The following KLHL1 variants were observed in gnomAD, a reference collection of about 807,000 sequenced individuals.
The protein encoded by KLHL1 is kelch like family member 1, also known as kelch-like protein 1.
A neutral mutation model predicts 77.7 loss-of-function variants in KLHL1; 47 were observed. The observed-to-expected ratio is 0.60, with a 90% CI of 0.48 to 0.77. The LOEUF is 0.77. Among genes scored for constraint, KLHL1 ranks in the 30% least tolerant of loss-of-function variants. The pLI, the probability that KLHL1 is intolerant of heterozygous loss-of-function variation, is 0.00. For missense variants in KLHL1, 925 were observed against 910.8 expected, an observed-to-expected ratio of 1.02 and a Z score of -0.20; for synonymous variants, 360 against 325.2, an observed-to-expected ratio of 1.11 and a Z score of -1.15.
intron 9 of KLHL1, among the ~76,000 whole-genome samples, chr13:69,711,863 C>G (rs1482469113): frequency 6.6e-6 from 1 of 152,106 alleles, no homozygotes; most frequent in Non-Finnish European, 1.5e-5. Context: ...TACATTCTCT[C>G]CAACATGCAG....
chr13:70,029,730 C>T (rs1886047899), intron 1 of KLHL1, among the ~76,000 whole-genome samples: 1 of 152,186 alleles, frequency 6.6e-6, no homozygotes, highest in Admixed American at 6.5e-5. Context: ...ATCATAATGA[C>T]AGGATCATAT....
intron 1 of KLHL1, among the ~76,000 whole-genome samples, chr13:70,068,379 A>T (rs951284963): frequency 6.6e-6 from 1 of 151,724 alleles, no homozygotes; most frequent in Non-Finnish European, 1.5e-5. Flanking sequence ...ACAAAAAAAA[A>T]GGATTTTTAA....
At chr13:69,843,322 T>C (rs1398266334) in intron 5 of KLHL1, among the ~76,000 whole-genome samples, 1 of 151,686 alleles carries the variant, frequency 6.6e-6, no homozygotes, top group Non-Finnish European at 1.5e-5. Context: ...ATGTTTCTTC[T>C]TGCAAAATTG....
chr13:70,011,034 A>G (rs1286651979), intron 1 of KLHL1, among the ~76,000 whole-genome samples: 1 of 152,074 alleles, frequency 6.6e-6, no homozygotes, highest in African/African-American at 2.4e-5. Flanking sequence ...AATAAATTCA[A>G]GTTTCATAAT....
chr13:69,850,380 G>A (rs568536270), intron 5 of KLHL1, among the ~76,000 whole-genome samples: 1 of 151,452 alleles, frequency 6.6e-6, no homozygotes, highest in Non-Finnish European at 1.5e-5. Context: ...TGAGATCCCT[G>A]GCTCATTGAT....
chr13:69,852,840 A>G (rs1196445218), intron 5 of KLHL1, among the ~76,000 whole-genome samples: 2 of 152,034 alleles, frequency 1.3e-5, no homozygotes, highest in Non-Finnish European at 2.9e-5. Context: ...TTGTTCAAAC[A>G]TCTTTACTGA....
intron 3 of KLHL1, among the ~76,000 whole-genome samples, chr13:69,943,973 T>C (rs1883441755): frequency 6.6e-6 from 1 of 152,164 alleles, no homozygotes; most frequent in Non-Finnish European, 1.5e-5. Context: ...GTAATCTAAT[T>C]AACTATTTCT....
intron 8 of KLHL1, among the ~76,000 whole-genome samples, chr13:69,737,654 C>T (rs1873817965): frequency 6.6e-6 from 1 of 152,194 alleles, no homozygotes; most frequent in African/African-American, 2.4e-5. Context: ...AAGCAGGACC[C>T]TGATCCACTC....
chr13:69,881,273 AT>A (rs1566359418), intron 5 of KLHL1, among the ~76,000 whole-genome samples: 1 of 152,098 alleles, frequency 6.6e-6, no homozygotes, highest in East Asian at 1.9e-4. Context: ...CATTCTTAAT[AT>A]ATGACCATAA....
intron 7 of KLHL1, among the ~76,000 whole-genome samples, chr13:69,762,688 G>A (rs1165288544): frequency 2.0e-5 from 3 of 148,790 alleles, no homozygotes. Context: ...GAAGCAGACA[G>A]CATCCTAGAT....
chr13:69,803,303 T>TAA (rs11418677), intron 6 of KLHL1, among the ~76,000 whole-genome samples: 1 of 151,848 alleles, frequency 6.6e-6, no homozygotes, highest in Non-Finnish European at 1.5e-5. Context: ...TTTTACATAA[T>TAA]AAAAACAAAT....
At chr13:69,724,809 C>T (rs1873223618) in intron 8 of KLHL1, among the ~76,000 whole-genome samples, 1 of 152,044 alleles carries the variant, frequency 6.6e-6, no homozygotes, top group Non-Finnish European at 1.5e-5. Context: ...GATAAAAACT[C>T]AACAAGCTTG....
At chr13:70,058,672 TA>T (rs1458325424) in intron 1 of KLHL1, among the ~76,000 whole-genome samples, 1 of 152,110 alleles carries the variant, frequency 6.6e-6, no homozygotes, top group Non-Finnish European at 1.5e-5. Context: ...ATGATTCCTA[TA>T]AAATACCAAT....
chr13:70,008,925 T>C (rs1207937615), intron 1 of KLHL1, among the ~76,000 whole-genome samples: 1 of 152,132 alleles, frequency 6.6e-6, no homozygotes, highest in East Asian at 1.9e-4. Context: ...CTTGTCACAA[T>C]ACAATGCACT....
chr13:69,754,013 T>G (rs1874601181), intron 7 of KLHL1, among the ~76,000 whole-genome samples: 1 of 151,882 alleles, frequency 6.6e-6, no homozygotes, highest in Admixed American at 6.6e-5. Flanking sequence ...ATTTTTTTTT[T>G]TGTTTTTAGT....
intron 1 of KLHL1, among the ~76,000 whole-genome samples, chr13:70,022,383 A>T (rs1885826653): frequency 6.6e-6 from 1 of 151,642 alleles, no homozygotes; most frequent in South Asian, 2.1e-4. Context: ...AACTGTGACT[A>T]GTGATACTCA....
At chr13:69,777,539 A>G (rs1875893442) in intron 7 of KLHL1, among the ~76,000 whole-genome samples, 1 of 152,190 alleles carries the variant, frequency 6.6e-6, no homozygotes, top group Admixed American at 6.5e-5. Flanking sequence ...TATCATTTAA[A>G]TTAATTTATT....
chr13:69,875,957 G>T (rs1359751358), intron 5 of KLHL1, among the ~76,000 whole-genome samples: 3 of 151,822 alleles, frequency 2.0e-5, no homozygotes, highest in Admixed American at 6.6e-5. Flanking sequence ...CAAATCAAAG[G>T]GGGAAAAATA....
chr13:69,850,174 T>G (rs1375729995), intron 5 of KLHL1, among the ~76,000 whole-genome samples: 1 of 151,460 alleles, frequency 6.6e-6, no homozygotes, highest in Non-Finnish European at 1.5e-5. Context: ...CAATTCAAAC[T>G]CATATATTTA....
Sources: allele counts gnomAD v4.1 joint callset (sites outside exome capture counted in the v4.1 genomes callset), GRCh38; gene constraint gnomAD v4.1.1; transcripts MANE v1.5; gene names NCBI Gene and HGNC (gene_info 2026-07-23, HGNC 2026-07-21).